The following SHANK2 variants were observed in gnomAD, a reference collection of about 807,000 sequenced individuals.
SHANK2 encodes the protein SH3 and multiple ankyrin repeat domains protein 2.
In SHANK2, 43 loss-of-function variants were observed where a neutral mutation model predicts 133.7. The ratio of observed to expected loss-of-function variants is 0.32; its 90% CI spans 0.25 to 0.41. The LOEUF (loss-of-function observed/expected upper bound fraction) is 0.41, where lower values mean the gene tolerates loss of function less well. Ranked by LOEUF, SHANK2 falls within the 10% of genes least tolerant of loss-of-function variation. The pLI is 1.00. For synonymous variants in SHANK2, 1,017 were observed against 952.8 expected (o/e 1.07, Z -1.24); for missense variants, 1,994 against 2,235.8 (o/e 0.89, Z 2.18).
intron 9 of SHANK2, among the ~76,000 whole-genome samples, chr11:71,070,042 GA>G (rs1353489662): frequency 2.0e-5 from 3 of 152,358 alleles, no homozygotes; most frequent in Admixed American, 6.5e-5. Flanking sequence ...ACTCAGGAAG[GA>G]AAGAAGCTTT....
chr11:70,504,123 C>G (rs1272695487), intron 17 of SHANK2, among the ~76,000 whole-genome samples: 1 of 152,208 alleles, frequency 6.6e-6, no homozygotes, highest in African/African-American at 2.4e-5. Context: ...AGAAAAGCAC[C>G]CTGATCGTAA....
At chr11:71,119,524 G>A (rs1590931018) in intron 3 of SHANK2, among the ~76,000 whole-genome samples, 1 of 148,958 alleles carries the variant, frequency 6.7e-6, no homozygotes, top group Admixed American at 6.7e-5. Flanking sequence ...AGGTTGCACT[G>A]AGCCGAGATT....
chr11:71,110,212 G>A (rs1555098886), intron 5 of SHANK2, among the ~76,000 whole-genome samples, 163 bp from the exon 6 acceptor site: 1 of 152,186 alleles, frequency 6.6e-6, no homozygotes, highest in Non-Finnish European at 1.5e-5. Context: ...GCCGAGGCGG[G>A]CAGATCACGA....
intron 11 of SHANK2, among the ~76,000 whole-genome samples, chr11:70,822,945 C>T (rs1392477459): frequency 1.6e-5 from 1 of 63,552 alleles, no homozygotes; most frequent in Admixed American, 2.0e-4. Flanking sequence ...AGAGGTGGCA[C>T]TGGCAGAGGT....
intron 1 of SHANK2, among the ~76,000 whole-genome samples, chr11:71,234,787 G>A (rs1481091214): frequency 6.6e-6 from 1 of 152,162 alleles, no homozygotes; most frequent in Non-Finnish European, 1.5e-5. Flanking sequence ...GGGCACTGGA[G>A]GAGCATGGCC....
intron 6 of SHANK2, among the ~76,000 whole-genome samples, chr11:71,106,333 G>C (rs1333487312): frequency 6.6e-6 from 1 of 152,220 alleles, no homozygotes; most frequent in Non-Finnish European, 1.5e-5. Context: ...TGGGCTCAGT[G>C]GCTCACGCCT....
In SHANK2 at chr11:70,921,513, A is replaced by G. The variant is rs144553887; in HGVS notation, c.1108-24946T>C. 1.1e-3 allele frequency among the ~76,000 whole-genome samples: 172 copies of G among 152,370 alleles called. 2 individuals are homozygous for G. Among genetic ancestry groups the G allele is most frequent in the African/African-American group, 3.9e-3 (164 of 41,586 alleles). ...GCTAGAGGAAGGAGTAGAAAAATGAATGAGGCATTCGGCTGCTTTTCCTTT... is the reference window on the plus strand; with the variant it reads ...GCTAGAGGAAGGAGTAGAAAAATGAGTGAGGCATTCGGCTGCTTTTCCTTT... On this transcript the variant is annotated intron_variant, in intron 10 of 25. Transcript: ENST00000601538.
At chr11:70,637,409 G>A (rs2061117544) in intron 17 of SHANK2, among the ~76,000 whole-genome samples, 1 of 152,130 alleles carries the variant, frequency 6.6e-6, no homozygotes, top group Non-Finnish European at 1.5e-5. Context: ...TCACAGATGG[G>A]GGCAGGTGGG....
At position 70,487,104 on chromosome 11, in the gene SHANK2, C is replaced by T. The variant is rs1381402576; in HGVS notation, c.3189G>A (p.Pro1063=). 9 of 1,611,048 alleles carry T rather than the reference C, an allele frequency of 5.6e-6. No homozygotes were observed. The highest frequency in any genetic ancestry group is 5.9e-6 in the Non-Finnish European group (7 of 1,179,988). The change falls in exon 25 of 26, where the codon CCG becomes CCA. Residue 1063 remains proline (P), a synonymous_variant. Transcript: ENST00000601538. This position sits in a 1 kb window ranked among gnomAD's most constrained non-coding sequence, Gnocchi z 5.8. ...MEIDPQAPEP[P]SQLRPDESLT... ...GGCTTTCGTCAGGCCGCAGCTGGCT[C>T]GGTGGCTCCGGGGCCTGGGGGTCGA... is the stretch of plus-strand genomic sequence containing the variant.
intron 14 of SHANK2, among the ~76,000 whole-genome samples, chr11:70,782,723 C>T (rs980298482): frequency 1.5e-4 from 23 of 152,194 alleles, no homozygotes; most frequent in Non-Finnish European, 2.2e-4. Context: ...CCCAAACTGG[C>T]GCATGGCCAA....
chr11:70,869,776 G>A (rs1343184727), intron 11 of SHANK2, among the ~76,000 whole-genome samples: 2 of 152,190 alleles, frequency 1.3e-5, no homozygotes, highest in African/African-American at 2.4e-5. Flanking sequence ...GGGAGTCCAT[G>A]GTGGTGTTGT....
chr11:70,571,608 G>T (rs542490658), intron 17 of SHANK2, among the ~76,000 whole-genome samples: 104 of 152,340 alleles, frequency 6.8e-4, no homozygotes, highest in Admixed American at 1.5e-3. Flanking sequence ...GTCTAGGGAG[G>T]AGAGGTGAGC....
At chr11:70,815,631 G>A (rs1459698884) in intron 12 of SHANK2, among the ~76,000 whole-genome samples, 1 of 152,174 alleles carries the variant, frequency 6.6e-6, no homozygotes, top group East Asian at 1.9e-4. Flanking sequence ...TTCGAACCAG[G>A]GTTGGCACCT....
Position 70,532,485 on chromosome 11 carries a change from G to T in SHANK2, c.2062-29554C>A, listed in dbSNP as rs532255364. ...CTCAAGTCTATGGGCAGAATTGTGGGTCTGTGTGCGTGCATTTTCCTAGAG... is the reference window on the plus strand; with the variant it reads ...CTCAAGTCTATGGGCAGAATTGTGGTTCTGTGTGCGTGCATTTTCCTAGAG... On this transcript the variant is annotated intron_variant, in intron 17 of 25. Coordinates refer to ENST00000601538, the MANE Select transcript of SHANK2 (RefSeq NM_012309.5). 5.1e-4 allele frequency among the ~76,000 whole-genome samples: 78 copies of T among 152,270 alleles called. 1 individual carries two copies. Among genetic ancestry groups the T allele is most frequent in the African/African-American group, 1.8e-3 (76 of 41,548 alleles).
At chr11:71,165,448 G>A (rs1483795479) in intron 2 of SHANK2, among the ~76,000 whole-genome samples, 3 of 152,202 alleles carry the variant, frequency 2.0e-5, no homozygotes, top group Admixed American at 6.5e-5. Context: ...GCCCCCAGGT[G>A]TGTGTGCGTG....
chr11:70,627,058 G>A (rs1365092633), intron 17 of SHANK2, among the ~76,000 whole-genome samples: 3 of 152,172 alleles, frequency 2.0e-5, no homozygotes, highest in South Asian at 2.1e-4. Context: ...GGGCGTGGGG[G>A]TGGCATGGTG....
chr11:70,890,526 A>T (rs1268741379), intron 11 of SHANK2, among the ~76,000 whole-genome samples: 1 of 150,838 alleles, frequency 6.6e-6, no homozygotes, highest in East Asian at 2.0e-4. Context: ...GAGGCCAGGC[A>T]TGGTGGCTCA....
At chr11:70,923,338 G>T (rs1950377166) in intron 10 of SHANK2, among the ~76,000 whole-genome samples, 1 of 152,180 alleles carries the variant, frequency 6.6e-6, no homozygotes, top group Non-Finnish European at 1.5e-5. Flanking sequence ...CGCCTCCTGG[G>T]TTCCAGAGAT....
chr11:70,691,702 G>A (rs1296840340), intron 15 of SHANK2, among the ~76,000 whole-genome samples: 1 of 152,164 alleles, frequency 6.6e-6, no homozygotes, highest in African/African-American at 2.4e-5. Context: ...GACCAGCCAG[G>A]CCAACATGGT....
Sources: allele counts gnomAD v4.1 joint callset (sites outside exome capture counted in the v4.1 genomes callset), GRCh38; gene constraint gnomAD v4.1.1; non-coding constraint Gnocchi (gnomAD v3.1); transcripts MANE v1.5; gene names NCBI Gene and HGNC (gene_info 2026-07-23, HGNC 2026-07-21).